The following CAMTA1 variants were observed in gnomAD, a reference collection of about 807,000 sequenced individuals.
CAMTA1 encodes calmodulin binding transcription activator 1.
In CAMTA1, 27 loss-of-function variants were observed where a neutral mutation model predicts 170.9. The observed-to-expected ratio is 0.16, with a 90% confidence interval of 0.12 to 0.22. The LOEUF (loss-of-function observed/expected upper bound fraction) is 0.22. Ranked by LOEUF, CAMTA1 falls within the 10% of genes least tolerant of loss-of-function variation. The pLI is 1.00. For missense variants in CAMTA1, 1,619 were observed against 2,217.2 expected (o/e 0.73, Z 5.42); for synonymous variants, 833 against 891.5 (o/e 0.93, Z 1.17).
intron 11 of CAMTA1, among the ~76,000 whole-genome samples, chr1:7,688,429 G>A (rs950274269): frequency 2.6e-5 from 4 of 152,144 alleles, no homozygotes; most frequent in East Asian, 3.9e-4. Context: ...AATCTGGCTG[G>A]TCCAGGCCAG....
At chr1:6,968,362 G>T (rs781525974) in intron 3 of CAMTA1, among the ~76,000 whole-genome samples, 4 of 152,132 alleles carry the variant, frequency 2.6e-5, no homozygotes, top group Non-Finnish European at 5.9e-5. Context: ...CCTTTATTTG[G>T]TTGGAAAGAT....
At chr1:7,117,674 C>T (rs946366065) in intron 4 of CAMTA1, among the ~76,000 whole-genome samples, 7 of 152,170 alleles carry the variant, frequency 4.6e-5, no homozygotes, top group African/African-American at 9.7e-5. Context: ...GAGCAGAGGA[C>T]GGCCTCTGGC....
chr1:7,758,204 A>T (rs2096945445), intron 22 of CAMTA1, among the ~76,000 whole-genome samples: 1 of 152,136 alleles, frequency 6.6e-6, no homozygotes, highest in Non-Finnish European at 1.5e-5. Context: ...CGTTTTTGAA[A>T]CTTGTTAGTT....
At chr1:6,852,130 AC>A (rs1411212747) in intron 3 of CAMTA1, among the ~76,000 whole-genome samples, 19 of 152,168 alleles carry the variant, frequency 1.2e-4, no homozygotes, top group Non-Finnish European at 2.4e-4. Context: ...AAGGCAATGA[AC>A]TAATGTTTTA....
rs72863006 is a variant in CAMTA1 at position 7,481,649 on chromosome 1, G to A, written c.510+13748G>A. Among the ~76,000 whole-genome samples the A allele has an allele frequency of 3.4e-3, 524 of 152,240 alleles. 5 individuals carry two copies. Among genetic ancestry groups the A allele is most frequent in the African/African-American group, 0.012 (481 of 41,528 alleles). Reference sequence around the variant, plus strand: ...GTACAGCTGCCACCCAGATTCTGCCGTTAACATTTGACCATATCATTTGAT... The same window carrying A: ...GTACAGCTGCCACCCAGATTCTGCCATTAACATTTGACCATATCATTTGAT... On this transcript the variant is annotated intron_variant, in intron 6 of 22. Transcript: ENST00000303635.
rs1211650506 is a variant in CAMTA1 at position 7,224,875 on chromosome 1, G to A, written c.303-24616G>A. ...GCTTCCCTTGCTGCCACCTGCATGG[G>A]CTGCTGCCCTGATGAGTCTCGGGTC... On this transcript the variant is annotated intron_variant, in intron 4 of 22. Coordinates refer to ENST00000303635, the MANE Select transcript of CAMTA1 (RefSeq NM_015215.4). The surrounding 1 kb of genome is among the most constrained non-coding windows in gnomAD (Gnocchi z 5.2). 6.6e-6 allele frequency among the ~76,000 whole-genome samples: 1 copy of A among 152,208 alleles called. No individual in the cohort carries two copies. The highest frequency in any genetic ancestry group is 1.5e-5 in the Non-Finnish European group (1 of 68,026).
rs148177875 is a variant in CAMTA1, at chr1:7,050,348, G to A, written c.235-40956G>A. 2.4e-3 allele frequency among the ~76,000 whole-genome samples: 366 copies of A among 152,272 alleles called. 2 individuals carry two copies. Among genetic ancestry groups the A allele is most frequent in the African/African-American group, 8.2e-3 (342 of 41,546 alleles). On this transcript the variant is annotated intron_variant, in intron 3 of 22. Coordinates refer to ENST00000303635, the MANE Select transcript of CAMTA1 (RefSeq NM_015215.4). This position sits in a 1 kb window ranked among gnomAD's most constrained non-coding sequence, Gnocchi z 4.8. Reference sequence around the variant, plus strand: ...CTGCACCCTGAGCTACTCCAGAGACGGCATCTGTCTGCTCCGGGGCCAGGG... The same window carrying A: ...CTGCACCCTGAGCTACTCCAGAGACAGCATCTGTCTGCTCCGGGGCCAGGG...
chr1:6,861,450 C>T (rs938050815), intron 3 of CAMTA1, among the ~76,000 whole-genome samples: 1 of 152,180 alleles, frequency 6.6e-6, no homozygotes, highest in African/African-American at 2.4e-5. Context: ...CTTCTCACAT[C>T]TTAGAACACA....
At chr1:7,058,202 C>T (rs994091637) in intron 3 of CAMTA1, among the ~76,000 whole-genome samples, 3 of 152,148 alleles carry the variant, frequency 2.0e-5, no homozygotes, top group Non-Finnish European at 2.9e-5. Context: ...GTCCAGGACA[C>T]GATTCTCCTG....
rs1445038301 is a variant in CAMTA1 at position 7,685,271 on chromosome 1, G to C, written c.2914+7538G>C. Among the ~76,000 whole-genome samples, 1 of 152,202 alleles carries C rather than the reference G, an allele frequency of 6.6e-6. No homozygotes were observed. Among genetic ancestry groups the C allele is most frequent in the East Asian group, 1.9e-4 (1 of 5,180 alleles). On this transcript the variant is annotated intron_variant, in intron 11 of 22. Coordinates refer to ENST00000303635, the MANE Select transcript of CAMTA1 (RefSeq NM_015215.4). The surrounding 1 kb of genome is among the most constrained non-coding windows in gnomAD (Gnocchi z 5.7). ...CAATACGTATTTAGGGAAGGATGCA[G>C]ATATGGGAAAGATCAGTTCCTGGCT...
intron 6 of CAMTA1, among the ~76,000 whole-genome samples, chr1:7,622,851 C>A (rs1034006977): frequency 6.6e-6 from 1 of 152,262 alleles, no homozygotes; most frequent in Non-Finnish European, 1.5e-5. Context: ...TCGGCCCTCA[C>A]AGGCCATTGT....
intron 11 of CAMTA1, among the ~76,000 whole-genome samples, chr1:7,677,979 ATG>A (rs1471197815): frequency 6.6e-6 from 1 of 152,224 alleles, no homozygotes; most frequent in Non-Finnish European, 1.5e-5. Flanking sequence ...ACTGAAAAGT[ATG>A]TGAGTGTGGG....
intron 4 of CAMTA1, among the ~76,000 whole-genome samples, chr1:7,118,434 AG>A (rs1644461176): frequency 1.3e-5 from 2 of 151,616 alleles, no homozygotes; most frequent in Admixed American, 1.3e-4. Context: ...CTGGGACCAC[AG>A]GAGTACATCA....
chr1:7,385,467 A>T (rs2087845554), intron 5 of CAMTA1, among the ~76,000 whole-genome samples: 2 of 152,128 alleles, frequency 1.3e-5, no homozygotes, highest in Non-Finnish European at 2.9e-5. Context: ...CTGCAGGTTT[A>T]TTCTGGGCAC....
chr1:7,670,259 C>T (rs1430412294), intron 9 of CAMTA1, among the ~76,000 whole-genome samples: 2 of 152,208 alleles, frequency 1.3e-5, no homozygotes, highest in Non-Finnish European at 2.9e-5. Context: ...CCACTCCCAG[C>T]CCCAAGCTCT....
At chr1:7,212,148 T>A (rs1364487658) in intron 4 of CAMTA1, among the ~76,000 whole-genome samples, 1 of 152,260 alleles carries the variant, frequency 6.6e-6, no homozygotes, top group Non-Finnish European at 1.5e-5. Flanking sequence ...CAAAATACTG[T>A]GTTCATAAGC....
At position 7,736,589 on chromosome 1, in the gene CAMTA1, T is replaced by G. The variant is rs1467867504; in HGVS notation, c.3263+49T>G. On this transcript the variant is annotated intron_variant, in intron 13 of 22. Coordinates refer to ENST00000303635, the MANE Select transcript of CAMTA1 (RefSeq NM_015215.4). The surrounding 1 kb of genome is among the most constrained non-coding windows in gnomAD (Gnocchi z 4.5). ...GGGGGTCAGCCTCGCACATCCTCGC[T>G]CACATTCTTCCTGAGCACTGCCACC... 1.3e-6 allele frequency: 2 copies of G among 1,566,074 alleles called. No individual in the cohort carries two copies. Among genetic ancestry groups the G allele is most frequent in the South Asian group, 2.2e-5 (2 of 89,818 alleles).
chr1:7,698,688 C>G (rs1432017095), intron 11 of CAMTA1: 2 of 152,294 alleles, frequency 1.3e-5, no homozygotes, highest in African/African-American at 4.8e-5. Flanking sequence ...AAGGAAAATC[C>G]CAAGTTCTGA....
intron 3 of CAMTA1, among the ~76,000 whole-genome samples, chr1:7,076,230 C>G (rs765454171): frequency 1.2e-4 from 19 of 152,174 alleles, no homozygotes; most frequent in Non-Finnish European, 1.8e-4. Flanking sequence ...TTTATTGGAA[C>G]CTCTTTCTTT....
Sources: allele counts gnomAD v4.1 joint callset (sites outside exome capture counted in the v4.1 genomes callset), GRCh38; gene constraint gnomAD v4.1.1; non-coding constraint Gnocchi (gnomAD v3.1); transcripts MANE v1.5; gene names NCBI Gene and HGNC (gene_info 2026-07-23, HGNC 2026-07-21).